Variants in NRXN1 observed in about 807,000 individuals in gnomAD.
The protein encoded by NRXN1 is neurexin 1, also known as neurexin-1.
Under a neutral mutation model 150.9 loss-of-function variants are expected in NRXN1, and 39 were observed. The ratio of observed to expected loss-of-function variants is 0.26; its 90% CI spans 0.20 to 0.34. The LOEUF (loss-of-function observed/expected upper bound fraction) is 0.34. Among genes scored for constraint, NRXN1 ranks in the 10% least tolerant of loss-of-function variants. NRXN1 has a pLI of 1.00. For synonymous variants in NRXN1, 924 were observed against 757.0 expected (o/e 1.22, Z -3.62); for missense variants, 1,815 against 1,949.9 (o/e 0.93, Z 1.30).
chr2:50,840,131 A>G (rs1672660565), intron 5 of NRXN1, among the ~76,000 whole-genome samples: 1 of 152,188 alleles, frequency 6.6e-6, no homozygotes, highest in Admixed American at 6.5e-5. Flanking sequence ...ATTGAATGAT[A>G]TATAGTCTCA....
chr2:50,906,347 G>C (rs1342800320), intron 5 of NRXN1, among the ~76,000 whole-genome samples: 2 of 151,984 alleles, frequency 1.3e-5, no homozygotes, highest in Non-Finnish European at 2.9e-5. Flanking sequence ...CATTCACCTA[G>C]AGTCTTCTCA....
At chr2:50,943,942 C>T (rs1402979167) in intron 2 of NRXN1, among the ~76,000 whole-genome samples, 2 of 152,158 alleles carry the variant, frequency 1.3e-5, no homozygotes, top group East Asian at 3.9e-4. Flanking sequence ...AAGACCCTGG[C>T]ATACGATTTC....
At chr2:50,450,931 T>A (rs537729651) in intron 17 of NRXN1, among the ~76,000 whole-genome samples, 1 of 152,218 alleles carries the variant, frequency 6.6e-6, no homozygotes, top group Non-Finnish European at 1.5e-5. Flanking sequence ...TCCGAAACAA[T>A]TGACTAGAAA....
intron 2 of NRXN1, chr2:51,026,348 T>A (rs1670465543): frequency 6.7e-7 from 1 of 1,493,218 alleles, no homozygotes; most frequent in Non-Finnish European, 9.2e-7. Context: ...CACTGATTCG[T>A]CTTTTTCACA....
At chr2:50,592,483 A>C (rs745394858) in intron 8 of NRXN1, among the ~76,000 whole-genome samples, 4 of 152,190 alleles carry the variant, frequency 2.6e-5, no homozygotes, top group African/African-American at 4.8e-5. Flanking sequence ...TGTGAGGAGA[A>C]ACAGAAGTTC....
At chr2:50,551,079 AGGAGGAG>A (rs1667438594) in intron 9 of NRXN1, among the ~76,000 whole-genome samples, 2 of 114,550 alleles carry the variant, frequency 1.7e-5, no homozygotes, top group Non-Finnish European at 3.5e-5. Context: ...GAAGAAGAGG[AGGAGGAG>A]GAGGAGGAGG....
At chr2:50,828,076 A>C (rs1183134926) in intron 5 of NRXN1, among the ~76,000 whole-genome samples, 1 of 151,226 alleles carries the variant, frequency 6.6e-6, no homozygotes, top group Non-Finnish European at 1.5e-5. Flanking sequence ...TCTATTCCAC[A>C]AAACCGCCAT....
intron 15 of NRXN1, among the ~76,000 whole-genome samples, chr2:50,486,250 T>C (rs2090864947): frequency 1.3e-5 from 2 of 152,166 alleles, no homozygotes; most frequent in Non-Finnish European, 2.9e-5. Context: ...ATAAATGACA[T>C]AATTGATAAT....
chr2:50,995,887 C>A (rs772901381), intron 2 of NRXN1, among the ~76,000 whole-genome samples: 1 of 152,052 alleles, frequency 6.6e-6, no homozygotes, highest in Non-Finnish European at 1.5e-5. Flanking sequence ...CTGGTGTACT[C>A]TCTCAGGGTA....
intron 21 of NRXN1, among the ~76,000 whole-genome samples, chr2:50,042,236 C>T (rs1254277089): frequency 6.6e-6 from 1 of 152,098 alleles, no homozygotes; most frequent in African/African-American, 2.4e-5. Flanking sequence ...TGTGTCCCCA[C>T]CCAAATCTCA....
intron 5 of NRXN1, among the ~76,000 whole-genome samples, chr2:50,794,767 T>C (rs1706556202): frequency 6.6e-6 from 1 of 152,132 alleles, no homozygotes; most frequent in South Asian, 2.1e-4. Context: ...CTCTATATAA[T>C]TCCCCATTTA....
intron 18 of NRXN1, among the ~76,000 whole-genome samples, chr2:50,102,472 CA>C (rs1701103286): frequency 6.6e-6 from 1 of 151,988 alleles, no homozygotes; most frequent in Non-Finnish European, 1.5e-5. Flanking sequence ...TGTACTTATT[CA>C]AAAACCACAG....
intron 18 of NRXN1, among the ~76,000 whole-genome samples, chr2:50,179,383 T>C (rs535988359): frequency 6.6e-6 from 1 of 152,288 alleles, no homozygotes; most frequent in Admixed American, 6.5e-5. Context: ...TTACTTTTAA[T>C]TACCTGTTTT....
chr2:50,524,478 C>CATAAATAA (rs201231040), intron 12 of NRXN1, among the ~76,000 whole-genome samples: 60 of 141,110 alleles, frequency 4.3e-4, no homozygotes, highest in East Asian at 1.3e-3. Context: ...GAGTCCATCT[C>CATAAATAA]ATAAATAAAT....
intron 5 of NRXN1, among the ~76,000 whole-genome samples, chr2:50,635,218 C>T (rs974774529): frequency 1.5e-4 from 22 of 151,366 alleles, no homozygotes; most frequent in South Asian, 4.2e-4. Context: ...AGTGCAGTGG[C>T]GCGATCTCAG....
chr2:50,034,720 T>C (rs974160323), intron 21 of NRXN1, among the ~76,000 whole-genome samples: 1 of 152,052 alleles, frequency 6.6e-6, no homozygotes, highest in Non-Finnish European at 1.5e-5. Context: ...AGGAATGAAA[T>C]AATGCCAATA....
Position 50,317,091 on chromosome 2 carries a change from G to A in NRXN1, c.3365-80121C>T, listed in dbSNP as rs149352205. On this transcript the variant is annotated intron_variant, in intron 17 of 22. Transcript: ENST00000401669. ...TGTTCAGAGAAATATTTTCTGCTCT[G>A]CGTTTAAAAATGACAAATAACTATG... is the stretch of plus-strand genomic sequence containing the variant. Among the ~76,000 whole-genome samples the A allele has an allele frequency of 2.4e-3, 371 of 152,040 alleles. 2 individuals carry two copies. Among genetic ancestry groups the A allele is most frequent in the African/African-American group, 8.5e-3 (354 of 41,496 alleles).
At position 50,824,282 on chromosome 2, in the gene NRXN1, C is replaced by T. The variant is rs1210713899; in HGVS notation, c.832+97587G>A. On this transcript the variant is annotated intron_variant, in intron 5 of 22. Transcript: ENST00000401669. ...AAATATGACTATAGTATTATTATTG[C>T]TACAATTCAAACCCTTTGAGTGTGT... 2.7e-5 allele frequency among the ~76,000 whole-genome samples: 4 copies of T among 150,256 alleles called. No homozygotes were observed. In the East Asian group the frequency reaches 7.9e-4, roughly 30 times the overall value.
chr2:50,741,772 T>C (rs993973808), intron 5 of NRXN1, among the ~76,000 whole-genome samples: 1 of 152,170 alleles, frequency 6.6e-6, no homozygotes, highest in African/African-American at 2.4e-5. Context: ...CCAGAGAATG[T>C]TACCATCACT....
Sources: allele counts gnomAD v4.1 joint callset (sites outside exome capture counted in the v4.1 genomes callset), GRCh38; gene constraint gnomAD v4.1.1; transcripts MANE v1.5; gene names NCBI Gene and HGNC (gene_info 2026-07-23, HGNC 2026-07-21).